The following MGAT4C variants were observed in gnomAD, a reference collection of about 807,000 sequenced individuals.
The protein encoded by MGAT4C is MGAT4 family member C, also known as alpha-1,3-mannosyl-glycoprotein 4-beta-N-acetylglucosaminyltransferase C.
In MGAT4C, 19 loss-of-function variants were observed where a neutral mutation model predicts 40.1. The ratio of observed to expected loss-of-function variants is 0.47; its 90% CI spans 0.33 to 0.70. MGAT4C has a LOEUF of 0.70. MGAT4C is among the 30% of genes least tolerant of loss of function. The probability of loss-of-function intolerance (pLI) is 0.02; values close to 1 mark genes in which losing one functional copy is unlikely to be tolerated. For missense variants in MGAT4C, 491 were observed against 563.2 expected, an observed-to-expected ratio of 0.87 and a Z score of 1.30; for synonymous variants, 181 against 187.1, an observed-to-expected ratio of 0.97 and a Z score of 0.27.
intron 2 of MGAT4C, among the ~76,000 whole-genome samples, chr12:86,043,128 T>G (rs1231841713): frequency 6.6e-6 from 1 of 152,096 alleles, no homozygotes; most frequent in Admixed American, 6.6e-5. Context: ...TCCTCTCTAG[T>G]GAAGTTGGGG....
At chr12:86,167,264 G>C (rs1472499421) in intron 1 of MGAT4C, among the ~76,000 whole-genome samples, 1 of 152,184 alleles carries the variant, frequency 6.6e-6, no homozygotes, top group African/African-American at 2.4e-5. Flanking sequence ...GATAGTTATA[G>C]TCATACAAAA....
At chr12:86,722,484 G>T (rs1322878266) in intron 2 of MGAT4C, among the ~76,000 whole-genome samples, 1 of 152,024 alleles carries the variant, frequency 6.6e-6, no homozygotes, top group Non-Finnish European at 1.5e-5. Flanking sequence ...TATATATATT[G>T]AAATGCTTTA....
At chr12:86,129,160 G>A (rs1300185968) in intron 1 of MGAT4C, among the ~76,000 whole-genome samples, 1 of 151,552 alleles carries the variant, frequency 6.6e-6, no homozygotes, top group Non-Finnish European at 1.5e-5. Context: ...CACTGACCCA[G>A]TCGGATTAAC....
At chr12:86,696,232 T>C (rs1274014982) in intron 2 of MGAT4C, among the ~76,000 whole-genome samples, 1 of 151,688 alleles carries the variant, frequency 6.6e-6, no homozygotes, top group Non-Finnish European at 1.5e-5. Flanking sequence ...AAAAGTATAA[T>C]TGGATTGTTT....
intron 1 of MGAT4C, among the ~76,000 whole-genome samples, chr12:86,762,736 G>T (rs557832099): frequency 2.0e-5 from 3 of 152,202 alleles, no homozygotes; most frequent in African/African-American, 4.8e-5. Context: ...TATTTTAAAG[G>T]CTCTACTTAT....
chr12:86,006,064 C>A (rs1887840904), intron 2 of MGAT4C, among the ~76,000 whole-genome samples: 1 of 152,074 alleles, frequency 6.6e-6, no homozygotes, highest in Non-Finnish European at 1.5e-5. Flanking sequence ...CAAAACTCTG[C>A]AAGCTGAAGC....
chr12:85,988,803 T>C (rs937797043), intron 3 of MGAT4C, among the ~76,000 whole-genome samples: 6 of 152,024 alleles, frequency 3.9e-5, no homozygotes, highest in African/African-American at 1.4e-4. Flanking sequence ...CACCTACCAA[T>C]ATTTGGTATC....
At chr12:86,265,254 C>G (rs572039792) in intron 4 of MGAT4C, among the ~76,000 whole-genome samples, 22 of 152,246 alleles carry the variant, frequency 1.4e-4, no homozygotes, top group South Asian at 4.1e-4. Context: ...CCTGCCAGGC[C>G]AAAACAGGCA....
intron 1 of MGAT4C, among the ~76,000 whole-genome samples, chr12:86,214,109 G>A (rs527758068): frequency 1.3e-5 from 2 of 152,272 alleles, no homozygotes; most frequent in East Asian, 3.9e-4. Flanking sequence ...TATTAGCTGG[G>A]ACTACACTTC....
At position 86,774,685 on chromosome 12, in the gene MGAT4C, TATG is replaced by T. The variant is rs574824642; in HGVS notation, c.-261-47447_-261-47445del. On this transcript the variant is annotated intron_variant, in intron 1 of 7. Transcript: ENST00000548651. ...CAATTAGCTTTCCTTAACCTGTTAA[TATG>T]ATTCTTTATTACTATAAAAGATTTT... Among the ~76,000 whole-genome samples, 120 of 152,212 alleles carry T rather than the reference TATG, an allele frequency of 7.9e-4. 2 individuals carry two copies. The South Asian group carries it at 0.013, about 16-fold the overall frequency.
rs1313657462 is a variant in MGAT4C at position 85,966,313 on chromosome 12, G to T, written c.*12976C>A. 2 of 151,242 alleles carry T rather than the reference G, an allele frequency of 1.3e-5. No homozygotes were observed. The highest frequency in any genetic ancestry group is 2.9e-5 in the Non-Finnish European group (2 of 67,862). 9.4% of individuals were successfully genotyped at this position (151,242 alleles called of 1,614,324 possible). On this transcript the variant is annotated 3_prime_UTR_variant, in exon 5 of 5. Transcript: ENST00000611864. ...GCATGTCTCTTTTTTTTTTAACCTG[G>T]CATATAACACTGTCACTCTATTTAA... is the stretch of plus-strand genomic sequence containing the variant.
At chr12:86,041,211 T>C (rs1452209641) in intron 2 of MGAT4C, among the ~76,000 whole-genome samples, 2 of 152,196 alleles carry the variant, frequency 1.3e-5, no homozygotes, top group Non-Finnish European at 2.9e-5. Flanking sequence ...TGGATAGTCT[T>C]TCTTTTTTAT....
chr12:86,403,973 T>C (rs149711517), intron 3 of MGAT4C, among the ~76,000 whole-genome samples: 1 of 152,210 alleles, frequency 6.6e-6, no homozygotes, highest in East Asian at 1.9e-4. Context: ...ATTGTGTATA[T>C]GTGATATTGA....
chr12:86,594,606 G>A (rs1483151906), intron 2 of MGAT4C, among the ~76,000 whole-genome samples: 2 of 152,156 alleles, frequency 1.3e-5, no homozygotes, highest in Admixed American at 1.3e-4. Flanking sequence ...TACCGTTCAA[G>A]GAGAGAAATT....
At chr12:86,518,205 CAA>C (rs1958730939) in intron 2 of MGAT4C, among the ~76,000 whole-genome samples, 1 of 151,942 alleles carries the variant, frequency 6.6e-6, no homozygotes, top group South Asian at 2.1e-4. Flanking sequence ...ACAACAACAA[CAA>C]AAAAATGAAT....
intron 4 of MGAT4C, among the ~76,000 whole-genome samples, chr12:86,272,654 C>T (rs1336552352): frequency 1.3e-5 from 2 of 151,940 alleles, no homozygotes; most frequent in African/African-American, 4.8e-5. Context: ...AGTTGGAAAC[C>T]AGCCTGGGTA....
intron 3 of MGAT4C, among the ~76,000 whole-genome samples, chr12:86,412,839 T>C (rs1956632276): frequency 6.6e-6 from 1 of 152,160 alleles, no homozygotes; most frequent in African/African-American, 2.4e-5. Flanking sequence ...TAATCCTCAG[T>C]GTTAGAGAAG....
chr12:86,833,221 A>T (rs1264327289), intron 1 of MGAT4C, among the ~76,000 whole-genome samples: 1 of 151,906 alleles, frequency 6.6e-6, no homozygotes, highest in Admixed American at 6.6e-5. Context: ...CTAGGAGAGG[A>T]TAAATTATGT....
intron 3 of MGAT4C, among the ~76,000 whole-genome samples, chr12:86,416,592 A>G (rs999179594): frequency 2.6e-5 from 4 of 152,128 alleles, no homozygotes; most frequent in African/African-American, 9.6e-5. Flanking sequence ...GAGAGTAACT[A>G]GATTAGACCC....
Sources: gnomAD v4.1 joint callset for allele counts (sites outside exome capture counted in the v4.1 genomes callset) on GRCh38, gnomAD v4.1.1 for gene constraint, MANE v1.5 for transcripts, NCBI Gene and HGNC (gene_info 2026-07-23, HGNC 2026-07-21) for gene names.